The following PLEC variants were observed in gnomAD, a reference collection of about 807,000 sequenced individuals.
PLEC encodes plectin.
A neutral mutation model predicts 392.8 loss-of-function variants in PLEC; 216 were observed. The ratio of observed to expected loss-of-function variants is 0.55; its 90% CI spans 0.49 to 0.62. PLEC has a LOEUF of 0.62. PLEC is among the 20% of genes least tolerant of loss of function. The probability of loss-of-function intolerance (pLI) is 0.00; values close to 1 mark genes in which losing one functional copy is unlikely to be tolerated. For missense variants in PLEC, 6,863 were observed against 6,563.4 expected (o/e 1.05, Z -1.58); for synonymous variants, 3,621 against 2,980.6 (o/e 1.21, Z -7.00).
upstream of PLEC, chr8:143,939,643 G>GGCCCGCCCCCGAGGCCCCACCCT: frequency 7.0e-7 from 1 of 1,422,084 alleles, no homozygotes; most frequent in South Asian, 1.5e-5. Flanking sequence ...CGGCGAGGCC[G>GGCCCGCCCCCGAGGCCCCACCCT]GCCCGCCCCC....
rs1554711570 is a variant in PLEC, at chr8:143,929,680, G to A, written c.2889C>T (p.His963=). The A allele has an allele frequency of 6.2e-7, 1 of 1,600,062 alleles. No individual in the cohort carries two copies. Among genetic ancestry groups the A allele is most frequent in the Non-Finnish European group, 8.5e-7 (1 of 1,179,154 alleles). The change falls in exon 23 of 32, where the codon CAC becomes CAT. Residue 963 remains histidine, a synonymous_variant. Transcript: ENST00000345136. ...GGCTCTGCAGCAGCTGCTGGTAGTGGTGGCTGCAGGAGCCGTACTCGCGCT... is the reference window on the plus strand; with the variant it reads ...GGCTCTGCAGCAGCTGCTGGTAGTGATGGCTGCAGGAGCCGTACTCGCGCT... ...MAEREYGSCS[H]HYQQLLQSLE...
chr8:143,950,888 G>A, upstream of PLEC: 2 of 1,285,006 alleles, frequency 1.6e-6, no homozygotes, highest in East Asian at 2.6e-5. Flanking sequence ...CGGCTGTGTG[G>A]CTCGTGGCGC....
rs11555242 is a variant in PLEC at position 143,915,722 on chromosome 8, C to T, written c.*455G>A. ...GTCTTCCCATGGGGAAGGGGCTTCT[C>T]TGGGTAGACTGGGAGAGAGGCTGAC... is the stretch of plus-strand genomic sequence containing the variant. On this transcript the variant is annotated 3_prime_UTR_variant, in exon 32 of 32. Transcript: ENST00000345136. 1.3e-5 allele frequency: 2 copies of T among 155,202 alleles called. No homozygotes were observed. Among genetic ancestry groups the T allele is most frequent in the Non-Finnish European group, 2.8e-5 (2 of 70,296 alleles). The allele number at this position is 155,202 out of a possible 1,614,324, so 9.6% of individuals were successfully genotyped here.
At position 143,922,082 on chromosome 8, in the gene PLEC, CGCTGCTGCTCCA is replaced by C. The variant is rs1457330030; in HGVS notation, c.7727_7738del (p.Leu2576_Gln2579del). 2.5e-6 allele frequency: 4 copies of C among 1,574,336 alleles called. No individual in the cohort carries two copies. Among genetic ancestry groups the C allele is most frequent in the Non-Finnish European group, 3.4e-6 (4 of 1,167,916 alleles). ...AGCCAGCAGCTCCTCCTGCTGCCGC[CGCTGCTGCTCCA>C]GCTGCTGCAGCTCCTCCTGCTTGCG... On this transcript the variant is annotated inframe_deletion, in exon 32 of 32. Transcript: ENST00000345136.
chr8:143,948,163 C>T (rs781957152), intron 1 of PLEC, among the ~76,000 whole-genome samples: 2 of 152,234 alleles, frequency 1.3e-5, no homozygotes, highest in African/African-American at 2.4e-5. Flanking sequence ...ACCACCAGGG[C>T]ACAGGGAGGG....
At chr8:143,957,822 CT>C (rs1832674751), upstream of PLEC, among the ~76,000 whole-genome samples, 1 of 151,352 alleles carries the variant, frequency 6.6e-6, no homozygotes, top group Non-Finnish European at 1.5e-5. Flanking sequence ...CACCCAGCCC[CT>C]AACCCCCTGG....
intron 5 of PLEC, 99 bp downstream of exon 5, chr8:143,936,880 A>T: frequency 1.0e-6 from 1 of 958,486 alleles, no homozygotes; most frequent in Non-Finnish European, 1.7e-6. Flanking sequence ...CTCCCAGGCC[A>T]CGCCCTAGCC....
At chr8:143,930,991 A>G (rs1827081279) in intron 19 of PLEC, among the ~76,000 whole-genome samples, 1 of 151,718 alleles carries the variant, frequency 6.6e-6, no homozygotes, top group Non-Finnish European at 1.5e-5. Context: ...GTCACTCCCC[A>G]CTGTGCACCC....
In PLEC at chr8:143,931,593, AT is replaced by A; in HGVS notation, c.2244del (p.Lys748AsnfsTer27). On this transcript the variant is annotated frameshift_variant, in exon 19 of 32. Coordinates refer to ENST00000345136, the MANE Select transcript of PLEC (RefSeq NM_201384.3). LOFTEE classifies it high-confidence loss of function. Reference protein sequence around the residue: ...LQKLQEALRRKYSCDRSATVT... With the variant: ...LQKLQEALRRXYSCDRSATVT... ...ACGGTGGCGGAGCGATCACAACTGT[AT>A]TTCCTACGCAGTGCCTCCTGCAGCT... is the stretch of plus-strand genomic sequence containing the variant. 6.3e-7 allele frequency: 1 copy of A among 1,599,924 alleles called. No individual in the cohort carries two copies. The highest frequency in any genetic ancestry group is 8.5e-7 in the Non-Finnish European group (1 of 1,173,716).
Position 143,919,828 on chromosome 8 carries a change from G to A in PLEC, c.9993C>T (p.Leu3331=), listed in dbSNP as rs2131025166. 3 of 1,613,128 alleles carry A rather than the reference G, an allele frequency of 1.9e-6. No individual in the cohort carries two copies. The highest frequency in any genetic ancestry group is 8.5e-7 in the Non-Finnish European group (1 of 1,180,038). Reference sequence around the variant, plus strand: ...CCTTGACCGTCGTCTTGCCGTCCTTGAGCTGCTCAAACTGGGCTCTGCTGA... The same window carrying A: ...CCTTGACCGTCGTCTTGCCGTCCTTAAGCTGCTCAAACTGGGCTCTGCTGA... ...GVLSRAQFEQ[L]KDGKTTVKDL... The change falls in exon 32 of 32, where the codon CTC becomes CTT. Residue 3331 remains leucine, a synonymous_variant. Transcript: ENST00000345136.
Position 143,921,497 on chromosome 8 carries a change from G to A in PLEC, c.8324C>T (p.Thr2775Ile). 6.2e-7 allele frequency: 1 copy of A among 1,613,186 alleles called. No individual in the cohort carries two copies. The highest frequency in any genetic ancestry group is 1.1e-5 in the South Asian group (1 of 91,062). ...GCCAGTGTAGGGGTCCTTGTAGCCAGTGACGGCGCGCTCGGCCGACAGCAG... is the reference window on the plus strand; with the variant it reads ...GCCAGTGTAGGGGTCCTTGTAGCCAATGACGGCGCGCTCGGCCGACAGCAG... ...HKLLSAERAVTGYKDPYTGQQ... is the reference protein window; with the variant it reads ...HKLLSAERAVIGYKDPYTGQQ... Residue 2775 changes from threonine to isoleucine, a missense_variant, in exon 32 of 32, where the codon ACT (threonine) becomes ATT (isoleucine). By Grantham distance (89) the Thr-to-Ile change is moderately conservative (BLOSUM62 -1). Transcript: ENST00000345136.
In PLEC at chr8:143,920,252, G is replaced by A. The variant is rs782783368; in HGVS notation, c.9569C>T (p.Ala3190Val). 2.5e-6 allele frequency: 4 copies of A among 1,599,204 alleles called. No individual in the cohort carries two copies. The highest frequency in any genetic ancestry group is 3.4e-6 in the Non-Finnish European group (4 of 1,177,912). The change falls in exon 32 of 32, where the codon GCC becomes GTC. Residue 3190 changes from alanine to valine, a missense_variant. By Grantham distance (64) the Ala-to-Val change is moderately conservative. Coordinates refer to ENST00000345136, the MANE Select transcript of PLEC (RefSeq NM_201384.3). ...AYSDPSTGEP[A>V]TYGELQQRCR... Reference sequence around the variant, plus strand: ...CCGCTGCTGGAGCTCGCCGTAGGTGGCCGGCTCCCCTGTGCTGGGGTCACT... The same window carrying A: ...CCGCTGCTGGAGCTCGCCGTAGGTGACCGGCTCCCCTGTGCTGGGGTCACT...
At position 143,934,166 on chromosome 8, in the gene PLEC, TC is replaced by T. The variant is rs1351613649; in HGVS notation, c.1170-76del. On this transcript the variant is annotated intron_variant, in intron 11 of 31. Transcript: ENST00000345136. Reference sequence around the variant, plus strand: ...CCCTGGCCACAGACTGCAGCTCGCCTCCCGCTCCGGTCTCCCTGGCTGTGGC... The same window carrying T: ...CCCTGGCCACAGACTGCAGCTCGCCTCCGCTCCGGTCTCCCTGGCTGTGGC... The T allele has an allele frequency of 1.1e-4, 170 of 1,588,222 alleles. 4 individuals are homozygous for T. In the East Asian group the frequency reaches 1.2e-3, roughly 11 times the overall value.
upstream of PLEC, among the ~76,000 whole-genome samples, chr8:143,953,154 G>A (rs1056716478): frequency 6.6e-6 from 1 of 151,520 alleles, no homozygotes; most frequent in Non-Finnish European, 1.5e-5. Context: ...TTCAGCACTG[G>A]GAGGGCCAGG....
Position 143,973,180 on chromosome 8 carries a change from C to G in PLEC, c.70+223G>C, listed in dbSNP as rs375628380. ...CCGCCCGCGGCCCACCCCACCCACC[C>G]GAGCCGCGCGATGCCCTATTAAGGG... On this transcript the variant is annotated intron_variant, in intron 1 of 31. Coordinates refer to the PLEC transcript ENST00000356346. The surrounding 1 kb of genome is among the most constrained non-coding windows in gnomAD (Gnocchi z 5.6). 6.6e-6 allele frequency among the ~76,000 whole-genome samples: 1 copy of G among 151,832 alleles called. No individual in the cohort carries two copies. The highest frequency in any genetic ancestry group is 1.5e-5 in the Non-Finnish European group (1 of 67,852).
rs782478386 is a variant in PLEC, at chr8:143,920,749, G to A, written c.9072C>T (p.Asn3024=). 15 of 1,605,248 alleles carry A rather than the reference G, an allele frequency of 9.3e-6. No individual in the cohort carries two copies. The highest frequency in any genetic ancestry group is 5.0e-5 in the Admixed American group (3 of 60,000). The change falls in exon 32 of 32, where the codon AAC becomes AAT. Residue 3024 remains asparagine, a synonymous_variant. Coordinates refer to ENST00000345136, the MANE Select transcript of PLEC (RefSeq NM_201384.3). Reference sequence around the variant, plus strand: ...CCTCCAGCCATACACCCGCGATGACGTTGGCACCCCGGAGAGCCCGCCGCA... The same window carrying A: ...CCTCCAGCCATACACCCGCGATGACATTGGCACCCCGGAGAGCCCGCCGCA... ...DTVRRALRGA[N]VIAGVWLEEA...
chr8:143,973,583 C>A (rs1268036205), upstream of PLEC: 3 of 969,434 alleles, frequency 3.1e-6, no homozygotes, highest in East Asian at 1.1e-4. The surrounding 1 kb of genome is among the most constrained non-coding windows in gnomAD (Gnocchi z 5.6). Context: ...CCGCCCCCGC[C>A]CCGCCCCCGC....
chr8:143,950,812 C>T, exon 1 of PLEC: 8 of 1,502,048 alleles, frequency 5.3e-6, no homozygotes, highest in African/African-American at 1.4e-5. Flanking sequence ...GGTGTGACAG[C>T]GGGCAGCGGC....
rs1554726424 is a variant in PLEC at position 143,939,231 on chromosome 8, C to A, written c.112+119G>T. The A allele has an allele frequency of 2.2e-6, 3 of 1,363,584 alleles. No homozygotes were observed. The East Asian group carries it at 7.6e-5, about 34-fold the overall frequency. The allele number at this position is 1,363,584 out of a possible 1,614,324, so 84.5% of individuals were successfully genotyped here. ...TTGGGTGGGGATGGCTGGCCCCCGA[C>A]CCCCATCTCCAAGACCAGCCCCCCA... On this transcript the variant is annotated intron_variant, in intron 1 of 31. Coordinates refer to ENST00000345136, the MANE Select transcript of PLEC (RefSeq NM_201384.3).
Sources: gnomAD v4.1 joint callset for allele counts (sites outside exome capture counted in the v4.1 genomes callset) on GRCh38, gnomAD v4.1.1 for gene constraint, Gnocchi (gnomAD v3.1) non-coding constraint, MANE v1.5 for transcripts, NCBI Gene and HGNC (gene_info 2026-07-23, HGNC 2026-07-21) for gene names.